The following APPBP2 variants were observed in gnomAD, a reference collection of about 807,000 sequenced individuals.
APPBP2 encodes the protein amyloid protein-binding protein 2.
APPBP2 carries 15 observed loss-of-function variants against 76.0 expected under a neutral mutation model. The observed-to-expected ratio is 0.20, with a 90% CI of 0.13 to 0.30. The LOEUF (loss-of-function observed/expected upper bound fraction) is 0.30, where lower values mean the gene tolerates loss of function less well. APPBP2 is among the 10% of genes least tolerant of loss of function. The pLI is 1.00. For missense variants in APPBP2, 401 were observed against 687.2 expected (o/e 0.58, Z 4.66); for synonymous variants, 222 against 242.2 (o/e 0.92, Z 0.77).
rs1009799622 is a variant in APPBP2, at chr17:60,456,493, T to C, written c.1062-112A>G. ...TTGATAGAAAGTACTTCTAAAACTA[T>C]CTGTGGTAAAGATCCAGCTTTTTGT... On this transcript the variant is annotated intron_variant, in intron 9 of 12. Transcript: ENST00000083182. 39 of 724,880 alleles carry C rather than the reference T, an allele frequency of 5.4e-5. No homozygotes were observed. The South Asian group carries it at 6.0e-4, about 11-fold the overall frequency. The allele number at this position is 724,880 out of a possible 1,614,324, so 44.9% of individuals were successfully genotyped here. A position where few individuals can be genotyped will look rare whatever the true frequency, so the allele number is the denominator to read the frequency against.
In APPBP2 at chr17:60,526,006, C is replaced by CT; in HGVS notation, c.-76dup. The CT allele has an allele frequency of 6.9e-7, 1 of 1,445,738 alleles. No individual in the cohort carries two copies. 89.6% of individuals were successfully genotyped at this position (1,445,738 alleles called of 1,614,324 possible). On this transcript the variant is annotated 5_prime_UTR_variant, in exon 1 of 13. Coordinates refer to ENST00000083182, the MANE Select transcript of APPBP2 (RefSeq NM_006380.5). Reference sequence around the variant, plus strand: ...CCACCTCCCTCCGTAGCGAACCCCTCTGCGGCCCCGGAGGATTCGGAGGGG... The same window carrying CT: ...CCACCTCCCTCCGTAGCGAACCCCTCTTGCGGCCCCGGAGGATTCGGAGGGG...
intron 5 of APPBP2, chr17:60,464,939 T>C (rs1357745261): frequency 6.6e-6 from 1 of 152,266 alleles, no homozygotes; most frequent in African/African-American, 2.4e-5. Flanking sequence ...TAGTTCCAGC[T>C]ACTTGGTAGA....
chr17:60,472,538 G>C (rs1407727253), intron 4 of APPBP2, among the ~76,000 whole-genome samples: 1 of 152,150 alleles, frequency 6.6e-6, no homozygotes, highest in African/African-American at 2.4e-5. Context: ...AGTTATTTGA[G>C]TCTTCTGTCT....
At position 60,454,314 on chromosome 17, in the gene APPBP2, C is replaced by A; in HGVS notation, c.1326G>T (p.Met442Ile). 1.3e-6 allele frequency: 2 copies of A among 1,563,710 alleles called. No homozygotes were observed. The highest frequency in any genetic ancestry group is 1.2e-5 in the South Asian group (1 of 82,278). Residue 442 changes from methionine (M) to isoleucine (I), a missense_variant, in exon 11 of 13, where the codon ATG becomes ATT. Transcript: ENST00000083182. Reference protein sequence around the residue: ...YGNLGRLYQSMRKFKEAEEMH... With the variant: ...YGNLGRLYQSIRKFKEAEEMH... Reference sequence around the variant, plus strand: ...AACATGTTTCTACCTTAAATTTTCTCATTGACTGATAAAGTCTTCCAAGGT... The same window carrying A: ...AACATGTTTCTACCTTAAATTTTCTAATTGACTGATAAAGTCTTCCAAGGT...
At chr17:60,503,045 A>T (rs1157449113) in intron 1 of APPBP2, among the ~76,000 whole-genome samples, 2 of 128,548 alleles carry the variant, frequency 1.6e-5, no homozygotes, top group Non-Finnish European at 3.1e-5. Flanking sequence ...AGAGTCTCTC[A>T]CTCTGTCACC....
At chr17:60,495,454 ATTTATTTATTTAT>A (rs2090767728) in intron 2 of APPBP2, among the ~76,000 whole-genome samples, 1 of 147,112 alleles carries the variant, frequency 6.8e-6, no homozygotes. Flanking sequence ...TTATTTATTT[ATTTATTTATTTAT>A]TTATTTATTT....
At chr17:60,510,947 T>C (rs1405457440) in intron 1 of APPBP2, among the ~76,000 whole-genome samples, 3 of 129,066 alleles carry the variant, frequency 2.3e-5, no homozygotes, top group African/African-American at 5.1e-5. Flanking sequence ...AACAAGAAAT[T>C]AAGAGTTTTC....
intron 1 of APPBP2, 139 bp downstream of exon 1, chr17:60,525,655 C>G: frequency 7.5e-7 from 1 of 1,332,688 alleles, no homozygotes; most frequent in South Asian, 1.4e-5. Context: ...ACTGGCAATG[C>G]AGACACCGCA....
intron 9 of APPBP2, 72 bp from the exon 10 acceptor site, chr17:60,456,453 A>T: frequency 1.0e-6 from 1 of 953,870 alleles, no homozygotes; most frequent in Non-Finnish European, 1.7e-6. Flanking sequence ...AAAAATCACA[A>T]TCTGTAATAT....
intron 6 of APPBP2, among the ~76,000 whole-genome samples, chr17:60,463,242 G>GT: frequency 6.6e-6 from 1 of 152,256 alleles, no homozygotes; most frequent in South Asian, 2.1e-4. Context: ...AAACTTCAGG[G>GT]TAGAAGAGTG....
intron 4 of APPBP2, among the ~76,000 whole-genome samples, chr17:60,472,117 C>T (rs1358180684): frequency 1.3e-5 from 2 of 152,096 alleles, no homozygotes; most frequent in African/African-American, 4.8e-5. Flanking sequence ...AAGAGTAAGA[C>T]TCTGTCTCAT....
At chr17:60,496,148 TG>T (rs1269243722) in intron 2 of APPBP2, among the ~76,000 whole-genome samples, 1 of 152,202 alleles carries the variant, frequency 6.6e-6, no homozygotes, top group Non-Finnish European at 1.5e-5. Flanking sequence ...ACTGAGGAAA[TG>T]GTCAGCCAAG....
chr17:60,519,770 C>T (rs1043974062), intron 1 of APPBP2, among the ~76,000 whole-genome samples: 2 of 147,500 alleles, frequency 1.4e-5, no homozygotes, highest in Non-Finnish European at 3.0e-5. Flanking sequence ...TTTTAGTAGC[C>T]AAATTTAATT....
chr17:60,481,808 A>C (rs1056118654), intron 3 of APPBP2, among the ~76,000 whole-genome samples: 3 of 152,246 alleles, frequency 2.0e-5, no homozygotes, highest in Non-Finnish European at 2.9e-5. Context: ...GCTTCTTACA[A>C]TGACCATTTG....
At chr17:60,457,409 GT>G (rs1226504754) in intron 9 of APPBP2, among the ~76,000 whole-genome samples, 2 of 151,026 alleles carry the variant, frequency 1.3e-5, no homozygotes, top group Non-Finnish European at 2.9e-5. Flanking sequence ...GTCTGCTGAG[GT>G]TTTTTTTGTT....
intron 4 of APPBP2, among the ~76,000 whole-genome samples, chr17:60,471,501 T>C: frequency 7.6e-6 from 1 of 131,052 alleles, no homozygotes; most frequent in Admixed American, 6.6e-5. Context: ...ATTCCTAGCT[T>C]TGTGAATTTT....
intron 4 of APPBP2, among the ~76,000 whole-genome samples, chr17:60,470,965 AT>A (rs150898047): frequency 2.0e-5 from 3 of 146,734 alleles, no homozygotes; most frequent in Admixed American, 6.8e-5. Context: ...TAATTTTTGT[AT>A]TTTTTTTTTC....
intron 12 of APPBP2, among the ~76,000 whole-genome samples, chr17:60,449,420 T>C (rs1314474818): frequency 6.6e-6 from 1 of 152,048 alleles, no homozygotes; most frequent in East Asian, 1.9e-4. Context: ...GGCAAAACCT[T>C]GCCTCTACTA....
In APPBP2 at chr17:60,478,603, A is replaced by G. The variant is rs1263356045; in HGVS notation, c.503+545T>C. On this transcript the variant is annotated intron_variant, in intron 4 of 12. Transcript: ENST00000083182. ...TTGAATGAATAAACAAACAAGCTCT[A>G]TGACAAAGCAAAAAGATATGTAAGA... Among the ~76,000 whole-genome samples, 3 of 152,230 alleles carry G rather than the reference A, an allele frequency of 2.0e-5. No individual in the cohort carries two copies. In the East Asian group the frequency reaches 5.8e-4, roughly 29 times the overall value.
Sources: allele counts gnomAD v4.1 joint callset (sites outside exome capture counted in the v4.1 genomes callset), GRCh38; gene constraint gnomAD v4.1.1; transcripts MANE v1.5; gene names NCBI Gene and HGNC (gene_info 2026-07-23, HGNC 2026-07-21).